TAS2R1: variants seen among roughly 807,000 people sequenced by gnomAD.
TAS2R1 encodes taste receptor type 2 member 1.
For missense variants in TAS2R1, 370 were observed against 353.4 expected (o/e 1.05, Z -0.38); for synonymous variants, 141 against 134.2 (o/e 1.05, Z -0.35).
chr5:9,851,831 T>G, the TAS2R1 span, among the ~76,000 whole-genome samples: 5 of 152,344 alleles, frequency 3.3e-5, no homozygotes, highest in East Asian at 9.6e-4. Context: ...CTTCAAGCTT[T>G]GCTGGTCACA....
chr5:9,873,034 A>G, the TAS2R1 span, among the ~76,000 whole-genome samples: 2 of 152,338 alleles, frequency 1.3e-5, no homozygotes, highest in East Asian at 3.9e-4. Flanking sequence ...GGTAATCTTC[A>G]CAACAACCTG....
the TAS2R1 span, among the ~76,000 whole-genome samples, chr5:9,824,148 C>A: frequency 6.6e-6 from 1 of 152,252 alleles, no homozygotes; most frequent in Non-Finnish European, 1.5e-5. Context: ...CGCTCTCCCA[C>A]CAGCTTTCCG....
the TAS2R1 span, among the ~76,000 whole-genome samples, chr5:9,768,238 T>C: frequency 6.6e-6 from 1 of 152,206 alleles, no homozygotes; most frequent in Non-Finnish European, 1.5e-5. Flanking sequence ...CCTTCAGGTC[T>C]CAGCCCAGGT....
At chr5:9,711,083 C>G (rs1561385924) in intron 1 of TAS2R1, among the ~76,000 whole-genome samples, 1 of 151,420 alleles carries the variant, frequency 6.6e-6, no homozygotes, top group Non-Finnish European at 1.5e-5. Context: ...AATGATGCAG[C>G]CTCTATGAAA....
chr5:9,826,659 TA>T, the TAS2R1 span, among the ~76,000 whole-genome samples: 1 of 152,248 alleles, frequency 6.6e-6, no homozygotes, highest in South Asian at 2.1e-4. Context: ...TAACTACACA[TA>T]AAAAAAGAGG....
At chr5:9,697,940 G>GA (rs746837817) in intron 1 of TAS2R1, among the ~76,000 whole-genome samples, 2,477 of 144,216 alleles carry the variant, frequency 0.017, 34 homozygotes, top group Middle Eastern at 0.033. Context: ...AGCAACTGCA[G>GA]AAAAAAAAAA....
chr5:9,630,316 A>T lies in TAS2R1; in HGVS notation c.-284T>A, dbSNP rs1388666864. ...TAGCTTTCAAAGTCATCACAGGCAA[A>T]TAATGGAATCAGACACCTTCAGACA... On this transcript the variant is annotated 5_prime_UTR_variant, in exon 1 of 1. Transcript: ENST00000382492. 4.2e-6 allele frequency: 1 copy of T among 240,128 alleles called. No homozygotes were observed. The highest frequency in any genetic ancestry group is 8.6e-5 in the East Asian group (1 of 11,682). 14.9% of individuals were successfully genotyped at this position (240,128 alleles called of 1,614,324 possible).
chr5:9,902,390 AC>A, the TAS2R1 span, among the ~76,000 whole-genome samples: 1 of 151,886 alleles, frequency 6.6e-6, no homozygotes, highest in Non-Finnish European at 1.5e-5. Flanking sequence ...AGCACATAAC[AC>A]CCCCAAATTT....
At chr5:9,772,129 T>G in the TAS2R1 span, among the ~76,000 whole-genome samples, 1 of 152,094 alleles carries the variant, frequency 6.6e-6, no homozygotes, top group African/African-American at 2.4e-5. Context: ...TTTCCTGATG[T>G]AGGCACTTAC....
At chr5:9,658,963 C>T (rs1740472101) in intron 2 of TAS2R1, among the ~76,000 whole-genome samples, 1 of 152,212 alleles carries the variant, frequency 6.6e-6, no homozygotes, top group Non-Finnish European at 1.5e-5. Flanking sequence ...TCCCCTTGCT[C>T]TCAGTCTATA....
chr5:9,730,110 A>G, the TAS2R1 span, among the ~76,000 whole-genome samples: 1 of 152,246 alleles, frequency 6.6e-6, no homozygotes, highest in Non-Finnish European at 1.5e-5. Flanking sequence ...TATAGTGGTG[A>G]TTGCATTCTT....
At chr5:9,790,159 A>C in the TAS2R1 span, among the ~76,000 whole-genome samples, 1 of 152,230 alleles carries the variant, frequency 6.6e-6, no homozygotes, top group South Asian at 2.1e-4. Flanking sequence ...GAATGTTTTC[A>C]ACAAATGTTA....
the TAS2R1 span, among the ~76,000 whole-genome samples, chr5:9,723,545 G>T: frequency 6.6e-6 from 1 of 152,190 alleles, no homozygotes; most frequent in Non-Finnish European, 1.5e-5. Flanking sequence ...CCTTCCCAGG[G>T]CTCCTTCCAT....
the TAS2R1 span, chr5:9,760,975 G>C: frequency 6.6e-6 from 1 of 152,168 alleles, no homozygotes; most frequent in Non-Finnish European, 1.5e-5. Flanking sequence ...GGTTGGGCCT[G>C]GTTAGTACTT....
chr5:9,650,270 T>G (rs1342451449), intron 2 of TAS2R1, among the ~76,000 whole-genome samples: 1 of 149,630 alleles, frequency 6.7e-6, no homozygotes, highest in Non-Finnish European at 1.5e-5. Context: ...AAAGGAAACT[T>G]TTTTCAAAAT....
chr5:9,707,079 A>G (rs1024869172), intron 1 of TAS2R1, among the ~76,000 whole-genome samples: 94 of 152,302 alleles, frequency 6.2e-4, no homozygotes, highest in African/African-American at 2.2e-3. Context: ...TAAGCTCTTT[A>G]AGGTTCTTAT....
intron 2 of TAS2R1, among the ~76,000 whole-genome samples, chr5:9,654,112 T>C (rs1230899526): frequency 1.3e-5 from 2 of 152,118 alleles, no homozygotes; most frequent in East Asian, 3.9e-4. Flanking sequence ...AAAAATAGAT[T>C]CCAAGAAGTA....
the TAS2R1 span, among the ~76,000 whole-genome samples, chr5:9,736,804 G>C: frequency 1.3e-5 from 2 of 152,110 alleles, no homozygotes; most frequent in Non-Finnish European, 2.9e-5. Context: ...ACCTTGTCAA[G>C]TATTCTGGAT....
the TAS2R1 span, among the ~76,000 whole-genome samples, chr5:9,867,884 T>G: frequency 6.6e-6 from 1 of 152,084 alleles, no homozygotes; most frequent in African/African-American, 2.4e-5. Context: ...ATGGGAGAAA[T>G]TGGCAAAAAC....
Sources: gnomAD v4.1 joint callset for allele counts (sites outside exome capture counted in the v4.1 genomes callset) on GRCh38, gnomAD v4.1.1 for gene constraint, MANE v1.5 for transcripts, NCBI Gene and HGNC (gene_info 2026-07-23, HGNC 2026-07-21) for gene names.